TET2: variants seen among roughly 807,000 people sequenced by gnomAD.
TET2 encodes methylcytosine dioxygenase TET2.
TET2 carries 299 observed loss-of-function variants against 142.9 expected under a neutral mutation model. The ratio of observed to expected loss-of-function variants is 2.09; its 90% CI spans 1.90 to 2.30. The LOEUF (loss-of-function observed/expected upper bound fraction) is 2.30. TET2 is among the 30% of genes most tolerant of loss of function. TET2 has a pLI of 0.00. For synonymous variants in TET2, 819 were observed against 849.0 expected (o/e 0.96, Z 0.61); for missense variants, 2,418 against 2,378.0 (o/e 1.02, Z -0.35).
At chr4:105,217,668 TAAG>T (rs1369629692) in intron 2 of TET2, among the ~76,000 whole-genome samples, 2 of 151,996 alleles carry the variant, frequency 1.3e-5, no homozygotes, top group Non-Finnish European at 2.9e-5. Context: ...AGAAAAAAAA[TAAG>T]TTTTCTTGCT....
At chr4:105,149,861 A>G (rs915994487) in intron 1 of TET2, among the ~76,000 whole-genome samples, 1 of 152,220 alleles carries the variant, frequency 6.6e-6, no homozygotes, top group African/African-American at 2.4e-5. Context: ...TTGGCAAGTG[A>G]ATATCACTTC....
At chr4:105,175,332 A>G (rs1204535289) in intron 1 of TET2, among the ~76,000 whole-genome samples, 1 of 152,206 alleles carries the variant, frequency 6.6e-6, no homozygotes, top group African/African-American at 2.4e-5. Context: ...TAAAAAAATG[A>G]CATACAAGAA....
chr4:105,238,855 C>A (rs564977778), intron 3 of TET2: 1 of 239,740 alleles, frequency 4.2e-6, no homozygotes, highest in South Asian at 1.8e-4. Flanking sequence ...TTGCCCGGAT[C>A]CATCAGAAGA....
Position 105,279,346 on chromosome 4 carries a change from T to C in TET2, c.*2827T>C, listed in dbSNP as rs908250156. On this transcript the variant is annotated 3_prime_UTR_variant, in exon 11 of 11. Coordinates refer to ENST00000380013, the MANE Select transcript of TET2 (RefSeq NM_001127208.3). ...AAGAAATTGAGTGGCATATTGTAAA[T>C]ATCAGATCTATAATTGTAAATATAA... is the stretch of plus-strand genomic sequence containing the variant. The C allele has an allele frequency of 4.3e-6, 1 of 232,270 alleles. No homozygotes were observed. Among genetic ancestry groups the C allele is most frequent in the East Asian group, 6.1e-5 (1 of 16,388 alleles). 14.4% of individuals were successfully genotyped at this position (232,270 alleles called of 1,614,324 possible).
Position 105,276,563 on chromosome 4 carries a change from C to A in TET2, c.*44C>A. 1 of 1,521,014 alleles carries A rather than the reference C, an allele frequency of 6.6e-7. No homozygotes were observed. The highest frequency in any genetic ancestry group is 8.8e-7 in the Non-Finnish European group (1 of 1,130,156). 94.2% of individuals were successfully genotyped at this position (1,521,014 alleles called of 1,614,324 possible). On this transcript the variant is annotated 3_prime_UTR_variant, in exon 11 of 11. Transcript: ENST00000380013. ...GTTACCTCACTTGAAAAGACCACAA[C>A]CAACCTGTCAGTAGTATAGTTCTCA...
At position 105,279,352 on chromosome 4, in the gene TET2, A is replaced by C. The variant is rs984788642; in HGVS notation, c.*2833A>C. On this transcript the variant is annotated 3_prime_UTR_variant, in exon 11 of 11. Transcript: ENST00000380013. The stretch of plus-strand genomic sequence containing the variant: ...TTGAGTGGCATATTGTAAATATCAG[A>C]TCTATAATTGTAAATATAAAACCTG... 4 of 232,274 alleles carry C rather than the reference A, an allele frequency of 1.7e-5. No individual in the cohort carries two copies. Among genetic ancestry groups the C allele is most frequent in the African/African-American group, 8.8e-5 (4 of 45,300 alleles). The allele number at this position is 232,274 out of a possible 1,614,324, so 14.4% of individuals were successfully genotyped here.
At chr4:105,176,271 C>A (rs541902938) in intron 1 of TET2, among the ~76,000 whole-genome samples, 2 of 152,196 alleles carry the variant, frequency 1.3e-5, no homozygotes, top group East Asian at 3.9e-4. Context: ...ACTTTGTTTC[C>A]TACTGGAAGT....
rs754342189 is a variant in TET2 at position 105,234,152 on chromosome 4, GA to G, written c.212del (p.Asn71IlefsTer4). On this transcript the variant is annotated frameshift_variant, in exon 3 of 11. Transcript: ENST00000380013. LOFTEE classifies it high-confidence loss of function. The part of the protein sequence containing the change: ...YGIPCMKGSQ[N>X]SRVSPDFTQE... The stretch of plus-strand genomic sequence containing the variant: ...GAATACCCTGTATGAAGGGAAGCCA[GA>G]ATAGTCGTGTGAGTCCTGACTTTAC... 1 of 1,614,070 alleles carries G rather than the reference GA, an allele frequency of 6.2e-7. No individual in the cohort carries two copies. Among genetic ancestry groups the G allele is most frequent in the Non-Finnish European group, 8.5e-7 (1 of 1,180,032 alleles).
intron 2 of TET2, chr4:105,202,260 A>G (rs1394016942): frequency 2.0e-5 from 3 of 151,700 alleles, no homozygotes; most frequent in Admixed American, 6.6e-5. Context: ...CTGTGGATAA[A>G]TAACATATAT....
chr4:105,268,654 A>G (rs997430433), intron 8 of TET2, among the ~76,000 whole-genome samples: 2 of 152,220 alleles, frequency 1.3e-5, no homozygotes, highest in Non-Finnish European at 2.9e-5. Flanking sequence ...ACTGAAATCT[A>G]TAATTGCTAC....
chr4:105,169,233 C>T (rs901846604), intron 1 of TET2, among the ~76,000 whole-genome samples: 2 of 152,170 alleles, frequency 1.3e-5, no homozygotes, highest in African/African-American at 2.4e-5. Flanking sequence ...TCACCATATC[C>T]ATGCCAACGT....
At chr4:105,149,663 T>A (rs191859936) in intron 1 of TET2, among the ~76,000 whole-genome samples, 2 of 152,384 alleles carry the variant, frequency 1.3e-5, no homozygotes. Flanking sequence ...TTGTTTTGCT[T>A]ATTTTCTTAT....
At chr4:105,263,333 ATATAACT>A (rs1730535804) in intron 8 of TET2, among the ~76,000 whole-genome samples, 1 of 152,226 alleles carries the variant, frequency 6.6e-6, no homozygotes, top group African/African-American at 2.4e-5. Flanking sequence ...AGTAAGGGAA[ATATAACT>A]TAAATCTATG....
chr4:105,270,034 T>A (rs1371645394), intron 9 of TET2, among the ~76,000 whole-genome samples: 2 of 152,292 alleles, frequency 1.3e-5, no homozygotes, highest in East Asian at 3.9e-4. Flanking sequence ...TCTGCCCCCA[T>A]GATTCAATTA....
chr4:105,245,201 C>T (rs2110259262), intron 6 of TET2, among the ~76,000 whole-genome samples: 1 of 152,234 alleles, frequency 6.6e-6, no homozygotes, highest in Middle Eastern at 3.4e-3. Flanking sequence ...ACTTGACTTT[C>T]TATGATAATT....
intron 6 of TET2, among the ~76,000 whole-genome samples, chr4:105,256,628 ATGT>A (rs988338863): frequency 2.0e-5 from 3 of 152,234 alleles, no homozygotes; most frequent in African/African-American, 4.8e-5. Context: ...ATGTAGATTG[ATGT>A]TGTTCATCAA....
chr4:105,226,593 G>C (rs552287277), intron 2 of TET2, among the ~76,000 whole-genome samples: 1 of 151,394 alleles, frequency 6.6e-6, no homozygotes, highest in African/African-American at 2.4e-5. Context: ...CCCCCTCCCT[G>C]TCTCCTTCCC....
chr4:105,160,825 G>T (rs1048217286), intron 1 of TET2, among the ~76,000 whole-genome samples: 3 of 152,160 alleles, frequency 2.0e-5, no homozygotes, highest in African/African-American at 7.2e-5. Context: ...CGCCCAGGCT[G>T]GAGTGAAGCG....
chr4:105,153,236 A>G (rs1330872482), intron 1 of TET2, among the ~76,000 whole-genome samples: 2 of 152,228 alleles, frequency 1.3e-5, no homozygotes, highest in Non-Finnish European at 2.9e-5. Flanking sequence ...AAACTATAAT[A>G]TCATATCACA....
Sources: allele counts gnomAD v4.1 joint callset (sites outside exome capture counted in the v4.1 genomes callset), GRCh38; gene constraint gnomAD v4.1.1; transcripts MANE v1.5; gene names NCBI Gene and HGNC (gene_info 2026-07-23, HGNC 2026-07-21).